Variants in INO80 observed in about 807,000 individuals in gnomAD.
INO80 encodes the protein INO80 complex ATPase subunit, also known as chromatin-remodeling ATPase INO80.
Under a neutral mutation model 203.4 loss-of-function variants are expected in INO80, and 20 were observed. That is an observed-to-expected ratio of 0.10 (90% confidence interval 0.07 to 0.14). The LOEUF (loss-of-function observed/expected upper bound fraction) is 0.14, where lower values mean the gene tolerates loss of function less well. INO80 is among the 10% of genes least tolerant of loss of function. INO80 has a pLI of 1.00. For synonymous variants in INO80, 726 were observed against 685.2 expected, an observed-to-expected ratio of 1.06 and a Z score of -0.93; for missense variants, 1,419 against 1,914.4, an observed-to-expected ratio of 0.74 and a Z score of 4.83.
chr15:41,001,562 A>G (rs2043958863), intron 28 of INO80, among the ~76,000 whole-genome samples: 1 of 152,178 alleles, frequency 6.6e-6, no homozygotes, highest in Non-Finnish European at 1.5e-5. Flanking sequence ...TAATGGGGAG[A>G]GGATCCATTT....
intron 24 of INO80, among the ~76,000 whole-genome samples, chr15:41,030,196 C>T (rs2044437699): frequency 6.6e-6 from 1 of 152,094 alleles, no homozygotes; most frequent in African/African-American, 2.4e-5. Context: ...TGAACATTTC[C>T]TCCAATTATC....
At chr15:41,066,646 T>C (rs1357468955) in intron 14 of INO80, among the ~76,000 whole-genome samples, 2 of 150,992 alleles carry the variant, frequency 1.3e-5, no homozygotes, top group African/African-American at 4.9e-5. Context: ...CTTGGCAACA[T>C]AGCAAGACGG....
At position 40,987,187 on chromosome 15, in the gene INO80, G is replaced by A. The variant is rs1475799428; in HGVS notation, c.3736C>T (p.Arg1246Trp). Residue 1246 changes from arginine (R) to tryptophan (W), a missense_variant, in exon 31 of 36, where the codon CGG (arginine) becomes TGG (tryptophan). Arg to Trp is a moderately radical substitution (Grantham distance 101). Coordinates refer to ENST00000648947, the MANE Select transcript of INO80 (RefSeq NM_017553.3). Reference sequence around the variant, plus strand: ...AAGTTCCCACCTGAAATCACCATCCGCTGAATCTACACCAAAGCAGATCAA... The same window carrying A: ...AAGTTCCCACCTGAAATCACCATCCACTGAATCTACACCAAAGCAGATCAA... ...QRAKEKSEIQRMVISGGNFKP... is the reference protein window; with the variant it reads ...QRAKEKSEIQWMVISGGNFKP... The A allele has an allele frequency of 3.8e-6, 6 of 1,599,908 alleles. No individual in the cohort carries two copies. The highest frequency in any genetic ancestry group is 2.2e-5 in the East Asian group (1 of 44,750).
chr15:40,986,316 CTT>C lies in INO80; in HGVS notation c.3832+773_3832+774del, dbSNP rs551165963. ...AAATTTTGCCTTCTACTCCACAATG[CTT>C]TTTTTTTTTTTTTTTTTTTTTTTGA... On this transcript the variant is annotated intron_variant, in intron 31 of 35. Transcript: ENST00000648947. Among the ~76,000 whole-genome samples the C allele has an allele frequency of 2.8e-3, 250 of 90,530 alleles. 1 individual carries two copies. Among genetic ancestry groups the C allele is most frequent in the African/African-American group, 6.7e-3 (195 of 29,192 alleles). 59.4% of individuals were successfully genotyped at this position (90,530 alleles called of 152,430 possible). A position where few individuals can be genotyped will look rare whatever the true frequency, so the allele number is the denominator to read the frequency against.
At chr15:41,005,832 C>A in intron 27 of INO80, 145 bp from the exon 28 acceptor site, 1 of 480,516 alleles carries the variant, frequency 2.1e-6, no homozygotes, top group Non-Finnish European at 3.7e-6. Flanking sequence ...CCCAAGAGTA[C>A]AAGAAGTTAA....
rs2043991844 is a variant in INO80, at chr15:41,003,338, T to TTTTTTTTTTTTTTTTTTTTTTTTTTTG, written c.3497+2254_3497+2255insCAAAAAAAAAAAAAAAAAAAAAAAAAA. ...GGGTGATTTTTCTTTTCTTTTCTTT[T>TTTTTTTTTTTTTTTTTTTTTTTTTTTG]TTTTTTTTTTGAGATGGAGTCTCGC... is the stretch of plus-strand genomic sequence containing the variant. On this transcript the variant is annotated intron_variant, in intron 28 of 35. Coordinates refer to ENST00000648947, the MANE Select transcript of INO80 (RefSeq NM_017553.3). Among the ~76,000 whole-genome samples the TTTTTTTTTTTTTTTTTTTTTTTTTTTG allele has an allele frequency of 1.5e-5, 2 of 131,052 alleles. 1 individual carries two copies. The highest frequency in any genetic ancestry group is 3.4e-5 in the Non-Finnish European group (2 of 59,184). The allele number at this position is 131,052 out of a possible 152,430, so 86.0% of individuals were successfully genotyped here.
At chr15:41,071,716 C>A in intron 12 of INO80, 133 bp downstream of exon 12, 1 of 733,000 alleles carries the variant, frequency 1.4e-6, no homozygotes, top group Non-Finnish European at 2.2e-6. Flanking sequence ...CTGCCTTGGC[C>A]TCCCAAAGTG....
rs16971415 is a variant in INO80, at chr15:40,997,895, T to C, written c.3498-294A>G. 8.3e-3 allele frequency among the ~76,000 whole-genome samples: 1,256 copies of C among 152,210 alleles called. 23 individuals are homozygous for C. The highest frequency in any genetic ancestry group is 0.027 in the African/African-American group (1,134 of 41,520). On this transcript the variant is annotated intron_variant, in intron 28 of 35. Coordinates refer to ENST00000648947, the MANE Select transcript of INO80 (RefSeq NM_017553.3). ...CAAATATAACAGAAAAATGTTACCATAGATGTACAGACCTCTCTCACTGTC... is the reference window on the plus strand; with the variant it reads ...CAAATATAACAGAAAAATGTTACCACAGATGTACAGACCTCTCTCACTGTC...
chr15:41,009,565 T>A (rs567903126), intron 27 of INO80, among the ~76,000 whole-genome samples: 1 of 152,052 alleles, frequency 6.6e-6, no homozygotes, highest in South Asian at 2.1e-4. Flanking sequence ...CATGAACTCA[T>A]CATTTTTTAT....
chr15:41,032,032 GC>G (rs2044490691), intron 24 of INO80, among the ~76,000 whole-genome samples: 1 of 80,308 alleles, frequency 1.2e-5, no homozygotes, highest in Non-Finnish European at 2.6e-5. Flanking sequence ...GCACAGCACA[GC>G]ACAGCACAGC....
intron 5 of INO80, among the ~76,000 whole-genome samples, 171 bp from the exon 6 acceptor site, chr15:41,087,853 A>G (rs762582720): frequency 3.3e-5 from 5 of 152,224 alleles, no homozygotes; most frequent in East Asian, 3.9e-4. Context: ...CTTAACTTCA[A>G]ACAAAATGAG....
intron 25 of INO80, chr15:41,023,148 C>A: frequency 2.8e-6 from 1 of 359,972 alleles, no homozygotes; most frequent in South Asian, 2.1e-5. Flanking sequence ...TGTTTTCTTG[C>A]TTCCAACTTA....
intron 19 of INO80, among the ~76,000 whole-genome samples, chr15:41,052,814 C>CAAA: frequency 7.2e-6 from 1 of 138,228 alleles, no homozygotes; most frequent in Admixed American, 7.8e-5. Flanking sequence ...CCTTTGAACT[C>CAAA]AGTTTGAGAC....
At chr15:41,033,515 A>C (rs1489112878) in intron 24 of INO80, among the ~76,000 whole-genome samples, 2 of 151,712 alleles carry the variant, frequency 1.3e-5, no homozygotes, top group Admixed American at 1.3e-4. Context: ...ACAAAATCAC[A>C]CTCTTTATCC....
At chr15:41,016,028 A>T in intron 27 of INO80, 60 bp downstream of exon 27, 1 of 1,410,154 alleles carries the variant, frequency 7.1e-7, no homozygotes, top group Non-Finnish European at 9.9e-7. Context: ...AGTCATGGAC[A>T]TCTGATTCCT....
At chr15:41,032,747 T>C (rs1027720560) in intron 24 of INO80, among the ~76,000 whole-genome samples, 1 of 152,080 alleles carries the variant, frequency 6.6e-6, no homozygotes, top group African/African-American at 2.4e-5. Context: ...GTAGAGTATA[T>C]AAAATGTTCA....
At chr15:40,982,689 A>G (rs1893873652) in intron 35 of INO80, among the ~76,000 whole-genome samples, 173 bp downstream of exon 35, 1 of 152,232 alleles carries the variant, frequency 6.6e-6, no homozygotes, top group Non-Finnish European at 1.5e-5. Flanking sequence ...CTGTACCGTC[A>G]GGAGGGCAAG....
chr15:41,094,175 T>C (rs930208888), intron 4 of INO80, among the ~76,000 whole-genome samples: 1 of 152,140 alleles, frequency 6.6e-6, no homozygotes, highest in Non-Finnish European at 1.5e-5. Context: ...ATTAACAACC[T>C]CTCTGCTTGT....
chr15:41,102,393 C>G (rs564691447), intron 1 of INO80, among the ~76,000 whole-genome samples: 1 of 152,102 alleles, frequency 6.6e-6, no homozygotes, highest in South Asian at 2.1e-4. Context: ...TTAGGCCAGG[C>G]GCAGTGGCTC....
Sources: allele counts gnomAD v4.1 joint callset (sites outside exome capture counted in the v4.1 genomes callset), GRCh38; gene constraint gnomAD v4.1.1; transcripts MANE v1.5; gene names NCBI Gene and HGNC (gene_info 2026-07-23, HGNC 2026-07-21).